FGFR2: variants seen among roughly 807,000 people sequenced by gnomAD.
FGFR2 encodes BEK fibroblast growth factor receptor.
A neutral mutation model predicts 95.9 loss-of-function variants in FGFR2; 19 were observed. The ratio of observed to expected loss-of-function variants is 0.20; its 90% confidence interval spans 0.14 to 0.29. The LOEUF (loss-of-function observed/expected upper bound fraction) is 0.29. Among genes scored for constraint, FGFR2 ranks in the 10% least tolerant of loss-of-function variants. The pLI, the probability that FGFR2 is intolerant of heterozygous loss-of-function variation, is 1.00. For synonymous variants in FGFR2, 392 were observed against 393.3 expected (o/e 1.00, Z 0.04); for missense variants, 707 against 1,056.9 (o/e 0.67, Z 4.59).
At chr10:121,512,552 G>GTTTTGTTTTGTTTTA (rs1554925532) in intron 9 of FGFR2, among the ~76,000 whole-genome samples, 34 of 151,634 alleles carry the variant, frequency 2.2e-4, no homozygotes, top group East Asian at 1.7e-3. Context: ...TTGGGTTTTT[G>GTTTTGTTTTGTTTTA]TTTTGTTTTG....
intron 13 of FGFR2, among the ~76,000 whole-genome samples, chr10:121,491,134 G>T (rs1186327726): frequency 6.6e-6 from 1 of 152,162 alleles, no homozygotes; most frequent in Non-Finnish European, 1.5e-5. Context: ...CTATGCATTA[G>T]GGCTCAGCTT....
chr10:121,529,090 C>T (rs1342749984), intron 6 of FGFR2, among the ~76,000 whole-genome samples: 1 of 151,768 alleles, frequency 6.6e-6, no homozygotes, highest in Admixed American at 6.6e-5. Flanking sequence ...TGACGCCTGG[C>T]TAATTTTTAA....
At chr10:121,591,001 ACACACG>A (rs1361935609) in intron 2 of FGFR2, among the ~76,000 whole-genome samples, 1 of 147,120 alleles carries the variant, frequency 6.8e-6, no homozygotes. Context: ...ACACACACAC[ACACACG>A]CACACTCTCT....
chr10:121,485,564 A>G lies in FGFR2; in HGVS notation c.2058-32T>C, dbSNP rs747687276. The G allele has an allele frequency of 5.6e-6, 9 of 1,613,982 alleles. No individual in the cohort carries two copies. The highest frequency in any genetic ancestry group is 7.6e-6 in the Non-Finnish European group (9 of 1,179,952). Reference sequence around the variant, plus strand: ...CAAAAGGAGAAAGCACGGCATTACTAACCCATCCACGTTGCCAAAACCTAA... The same window carrying G: ...CAAAAGGAGAAAGCACGGCATTACTGACCCATCCACGTTGCCAAAACCTAA... On this transcript the variant is annotated intron_variant, in intron 15 of 17. Coordinates refer to ENST00000358487, the MANE Select transcript of FGFR2 (RefSeq NM_000141.5). This position sits in a 1 kb window ranked among gnomAD's most constrained non-coding sequence, Gnocchi z 4.2.
chr10:121,570,645 G>A (rs1380611653), intron 2 of FGFR2, among the ~76,000 whole-genome samples: 2 of 152,226 alleles, frequency 1.3e-5, no homozygotes, highest in African/African-American at 2.4e-5. Flanking sequence ...AACGCAATGG[G>A]GAGAAGGTTC....
At chr10:121,575,161 T>A (rs1239563501) in intron 2 of FGFR2, among the ~76,000 whole-genome samples, 4 of 152,232 alleles carry the variant, frequency 2.6e-5, no homozygotes, top group Non-Finnish European at 5.9e-5. Context: ...CATTTAAGTC[T>A]GCCTTTGAGA....
At chr10:121,581,639 C>A (rs1860904288) in intron 2 of FGFR2, among the ~76,000 whole-genome samples, 1 of 151,318 alleles carries the variant, frequency 6.6e-6, no homozygotes, top group Admixed American at 6.6e-5. Context: ...ATAGTCGCAG[C>A]TACTCAGAAG....
intron 6 of FGFR2, among the ~76,000 whole-genome samples, chr10:121,536,127 A>C (rs1589896639): frequency 6.6e-6 from 1 of 152,342 alleles, no homozygotes; most frequent in African/African-American, 2.4e-5. Context: ...TCACTGCTTA[A>C]GCTTGAATCC....
intron 2 of FGFR2, among the ~76,000 whole-genome samples, chr10:121,574,444 G>A (rs1254417392): frequency 6.6e-6 from 1 of 152,094 alleles, no homozygotes; most frequent in African/African-American, 2.4e-5. Flanking sequence ...CAGGAGAATT[G>A]CTTGAATCCG....
rs1847914490 is a variant in FGFR2, at chr10:121,503,831, A to G, written c.1398T>C (p.Tyr466=). ...DTPMLAGVSE[Y]ELPEDPKWEF... The stretch of plus-strand genomic sequence containing the variant: ...CCCATTTTGGGTCCTCTGGAAGTTC[A>G]TACTCGGAGACCCCTGCCAGCATGG... The change falls in exon 10 of 18, where the codon TAT becomes TAC. Residue 466 remains tyrosine, a synonymous_variant. Coordinates refer to ENST00000358487, the MANE Select transcript of FGFR2 (RefSeq NM_000141.5). 2 of 1,614,162 alleles carry G rather than the reference A, an allele frequency of 1.2e-6. No individual in the cohort carries two copies. Among genetic ancestry groups the G allele is most frequent in the Non-Finnish European group, 1.7e-6 (2 of 1,180,030 alleles).
intron 2 of FGFR2, among the ~76,000 whole-genome samples, chr10:121,569,798 C>T (rs1271725211): frequency 6.6e-6 from 1 of 152,200 alleles, no homozygotes; most frequent in African/African-American, 2.4e-5. Flanking sequence ...GCAAGGACTC[C>T]TCCCTCCACC....
intron 17 of FGFR2, among the ~76,000 whole-genome samples, chr10:121,482,544 G>A (rs1359918917): frequency 6.6e-6 from 1 of 152,156 alleles, no homozygotes; most frequent in African/African-American, 2.4e-5. Context: ...CAATTGCATG[G>A]TTTGGAGTTA....
chr10:121,573,992 A>C (rs1859283840), intron 2 of FGFR2, among the ~76,000 whole-genome samples: 1 of 152,164 alleles, frequency 6.6e-6, no homozygotes, highest in Non-Finnish European at 1.5e-5. Flanking sequence ...ATGGCAAGTA[A>C]GTGGCCGCCA....
intron 2 of FGFR2, among the ~76,000 whole-genome samples, chr10:121,583,969 T>G (rs1861367259): frequency 6.6e-6 from 1 of 151,984 alleles, no homozygotes. Context: ...TATGTTAAAG[T>G]ACCTAGCACA....
chr10:121,575,370 G>A (rs570458804), intron 2 of FGFR2, among the ~76,000 whole-genome samples: 10 of 152,098 alleles, frequency 6.6e-5, no homozygotes, highest in African/African-American at 1.2e-4. Flanking sequence ...TGATGTTTTC[G>A]GCTGTTCATG....
chr10:121,564,471 CG>C, intron 4 of FGFR2, 30 bp downstream of exon 4: 1 of 1,594,312 alleles, frequency 6.3e-7, no homozygotes. Context: ...GCTCCTCTCT[CG>C]GGGACCATCG....
intron 10 of FGFR2, among the ~76,000 whole-genome samples, chr10:121,502,896 C>A (rs1292843912): frequency 3.3e-5 from 5 of 152,120 alleles, no homozygotes; most frequent in Non-Finnish European, 7.4e-5. Context: ...AGGACGAGGG[C>A]TAGGAGCTCA....
At chr10:121,540,516 T>TGCTACAACGGCATCGTTATGCTAA (rs1853554835) in intron 5 of FGFR2, among the ~76,000 whole-genome samples, 1 of 152,148 alleles carries the variant, frequency 6.6e-6, no homozygotes. Flanking sequence ...GATCCCTGGG[T>TGCTACAACGGCATCGTTATGCTAA]GCTACAACGG....
intron 16 of FGFR2, among the ~76,000 whole-genome samples, chr10:121,484,532 C>T (rs1326813024): frequency 1.3e-5 from 2 of 152,208 alleles, no homozygotes; most frequent in African/African-American, 2.4e-5. Context: ...AAAGCACTCA[C>T]GGGATTACTG....
Sources: allele counts gnomAD v4.1 joint callset (sites outside exome capture counted in the v4.1 genomes callset), GRCh38; gene constraint gnomAD v4.1.1; non-coding constraint Gnocchi (gnomAD v3.1); transcripts MANE v1.5; gene names NCBI Gene and HGNC (gene_info 2026-07-23, HGNC 2026-07-21).